The following SPOCK3 variants were observed in gnomAD, a reference collection of about 807,000 sequenced individuals.
SPOCK3 encodes the protein SPARC (osteonectin), cwcv and kazal like domains proteoglycan 3.
SPOCK3 carries 30 observed loss-of-function variants against 56.6 expected under a neutral mutation model. That is an observed-to-expected ratio of 0.53 (90% CI 0.40 to 0.72). SPOCK3 has a LOEUF of 0.72. Among genes scored for constraint, SPOCK3 ranks in the 30% least tolerant of loss-of-function variants. The pLI is 0.00. For synonymous variants in SPOCK3, 196 were observed against 183.3 expected, an observed-to-expected ratio of 1.07 and a Z score of -0.56; for missense variants, 527 against 530.0, an observed-to-expected ratio of 0.99 and a Z score of 0.06.
At chr4:166,750,125 G>C (rs957627289) in intron 8 of SPOCK3, among the ~76,000 whole-genome samples, 3 of 151,380 alleles carry the variant, frequency 2.0e-5, no homozygotes, top group Non-Finnish European at 4.4e-5. Context: ...AATCATGACT[G>C]ATTGGATTGT....
chr4:166,964,883 A>G (rs532987147), intron 4 of SPOCK3, among the ~76,000 whole-genome samples: 1 of 151,864 alleles, frequency 6.6e-6, no homozygotes, highest in Non-Finnish European at 1.5e-5. Context: ...ACTAAAAATA[A>G]TTTGAATGCT....
At chr4:167,111,015 T>C (rs1760856197) in intron 2 of SPOCK3, among the ~76,000 whole-genome samples, 2 of 152,088 alleles carry the variant, frequency 1.3e-5, no homozygotes, top group South Asian at 4.1e-4. Context: ...GATAATAAGC[T>C]ACTGGACACT....
At chr4:166,750,442 T>G (rs971155954) in intron 8 of SPOCK3, among the ~76,000 whole-genome samples, 39 of 152,154 alleles carry the variant, frequency 2.6e-4, no homozygotes, top group African/African-American at 8.9e-4. Context: ...GTTTTAAGTT[T>G]ATGCTAAATT....
Position 166,748,728 on chromosome 4 carries a change from A to G in SPOCK3, c.931+5780T>C, listed in dbSNP as rs7696966. Among the ~76,000 whole-genome samples, 562 of 137,198 alleles carry G rather than the reference A, an allele frequency of 4.1e-3. 144 individuals carry two copies. Among genetic ancestry groups the G allele is most frequent in the African/African-American group, 0.014 (442 of 32,232 alleles). The allele number at this position is 137,198 out of a possible 152,430, so 90.0% of individuals were successfully genotyped here. A position where few individuals can be genotyped will look rare whatever the true frequency, so the allele number is the denominator to read the frequency against. ...TACAGAATGGGAGAAAATTTTTGCA[A>G]TCTATTCATCTGACAAAGGGCTAAC... On this transcript the variant is annotated intron_variant, in intron 8 of 10. Coordinates refer to ENST00000357545, the MANE Select transcript of SPOCK3 (RefSeq NM_001040159.2).
chr4:166,865,651 G>A (rs1163532140), intron 6 of SPOCK3, among the ~76,000 whole-genome samples: 1 of 152,066 alleles, frequency 6.6e-6, no homozygotes, highest in Non-Finnish European at 1.5e-5. Flanking sequence ...CAAACAGAGA[G>A]CCAAATCATG....
intron 3 of SPOCK3, among the ~76,000 whole-genome samples, chr4:167,014,424 T>C (rs970866365): frequency 6.6e-6 from 1 of 151,952 alleles, no homozygotes; most frequent in African/African-American, 2.4e-5. Flanking sequence ...GGCAGGAGGA[T>C]TGCTTGAGGC....
chr4:166,797,233 C>CTTTTTTTTTTTT (rs1028695610), intron 6 of SPOCK3, among the ~76,000 whole-genome samples: 4 of 80,752 alleles, frequency 5.0e-5, no homozygotes, highest in East Asian at 8.4e-4. Context: ...TTCCACCTTT[C>CTTTTTTTTTTTT]TTTTTTTTTT....
At chr4:166,786,072 G>A (rs191721032) in intron 7 of SPOCK3, among the ~76,000 whole-genome samples, 134 of 152,164 alleles carry the variant, frequency 8.8e-4, no homozygotes, top group African/African-American at 3.0e-3. Flanking sequence ...GAATAATGAA[G>A]CAACATAAAG....
At chr4:167,109,819 GA>G (rs1439889797) in intron 2 of SPOCK3, among the ~76,000 whole-genome samples, 5 of 151,404 alleles carry the variant, frequency 3.3e-5, no homozygotes, top group Admixed American at 1.3e-4. Flanking sequence ...CTTCCATTCA[GA>G]AAAAAGAAAA....
rs963924559 is a variant in SPOCK3 at position 167,189,025 on chromosome 4, A to G, written c.189+44960T>C. The stretch of plus-strand genomic sequence containing the variant: ...CAAACATTTCAGAATGAATAGTAAC[A>G]ACCCTACAGAAATTCTTCTCAAATA... On this transcript the variant is annotated intron_variant, in intron 2 of 10. Transcript: ENST00000357545. Among the ~76,000 whole-genome samples, 5 of 146,240 alleles carry G rather than the reference A, an allele frequency of 3.4e-5. 1 individual carries two copies. The Admixed American group carries it at 3.5e-4, about 10-fold the overall frequency.
At chr4:166,799,497 C>T (rs775248429) in intron 6 of SPOCK3, among the ~76,000 whole-genome samples, 2 of 152,096 alleles carry the variant, frequency 1.3e-5, no homozygotes, top group Non-Finnish European at 2.9e-5. Flanking sequence ...AAGGATTATG[C>T]CATCTGTGAC....
intron 7 of SPOCK3, among the ~76,000 whole-genome samples, chr4:166,762,424 G>A (rs765126066): frequency 1.3e-5 from 2 of 152,036 alleles, no homozygotes; most frequent in East Asian, 1.9e-4. Flanking sequence ...ATAGAGAAAC[G>A]GCCATATCAT....
chr4:167,157,625 A>T (rs1764929251), intron 2 of SPOCK3, among the ~76,000 whole-genome samples: 1 of 150,312 alleles, frequency 6.7e-6, no homozygotes, highest in African/African-American at 2.5e-5. Flanking sequence ...TTTTAAAAAA[A>T]AAAACACAAT....
At chr4:166,815,271 T>TA (rs35482624) in intron 6 of SPOCK3, among the ~76,000 whole-genome samples, 55,786 of 151,132 alleles carry the variant, frequency 0.37, 12,057 homozygotes, top group East Asian at 0.68. Flanking sequence ...AACTAATTAG[T>TA]AAAAAAAAGA....
intron 3 of SPOCK3, among the ~76,000 whole-genome samples, chr4:167,001,711 G>A (rs1748969211): frequency 6.6e-6 from 1 of 152,094 alleles, no homozygotes; most frequent in Non-Finnish European, 1.5e-5. Flanking sequence ...CATGCCAAAA[G>A]TGAGAGAAAG....
chr4:167,216,880 G>A (rs907372492), intron 2 of SPOCK3, among the ~76,000 whole-genome samples: 9 of 152,036 alleles, frequency 5.9e-5, no homozygotes, highest in Admixed American at 6.6e-5. Flanking sequence ...CTTTGGAAAA[G>A]CATCAGTTTA....
At chr4:167,169,455 C>A (rs1276629816) in intron 2 of SPOCK3, among the ~76,000 whole-genome samples, 1 of 152,118 alleles carries the variant, frequency 6.6e-6, no homozygotes, top group Non-Finnish European at 1.5e-5. Flanking sequence ...AATCGACTGC[C>A]CTGTTGGATT....
chr4:167,030,918 G>T (rs537725082), intron 3 of SPOCK3, among the ~76,000 whole-genome samples: 1 of 152,156 alleles, frequency 6.6e-6, no homozygotes, highest in South Asian at 2.1e-4. Flanking sequence ...AAAGCCCATA[G>T]CCTGAACCAG....
intron 6 of SPOCK3, among the ~76,000 whole-genome samples, chr4:166,793,488 G>A (rs2126659505): frequency 6.6e-6 from 1 of 152,272 alleles, no homozygotes; most frequent in Admixed American, 6.5e-5. Flanking sequence ...TTTTAAGAAA[G>A]TTTACAAATT....
Sources: allele counts gnomAD v4.1 joint callset (sites outside exome capture counted in the v4.1 genomes callset), GRCh38; gene constraint gnomAD v4.1.1; transcripts MANE v1.5; gene names NCBI Gene and HGNC (gene_info 2026-07-23, HGNC 2026-07-21).